Variants in ARHGEF6 observed in about 807,000 individuals in gnomAD.
ARHGEF6 encodes the protein Rac/Cdc42 guanine nucleotide exchange factor 6.
In ARHGEF6, 9 loss-of-function variants were observed where a neutral mutation model predicts 70.3. The ratio of observed to expected loss-of-function variants is 0.13; its 90% CI spans 0.08 to 0.22. The LOEUF is 0.22. Ranked by LOEUF, ARHGEF6 falls within the 10% of genes least tolerant of loss-of-function variation. The pLI is 1.00. For synonymous variants in ARHGEF6, 201 were observed against 207.8 expected, an observed-to-expected ratio of 0.97 and a Z score of 0.28; for missense variants, 470 against 563.0, an observed-to-expected ratio of 0.83 and a Z score of 1.67.
chrX:136,669,316 A>G (rs1289933381), intron 21 of ARHGEF6, among the ~76,000 whole-genome samples, 166 bp downstream of exon 21: 1 of 112,035 alleles, frequency 8.9e-6, no homozygotes, highest in Non-Finnish European at 1.9e-5. Flanking sequence ...ATTTAAATTC[A>G]AGGCTTACAT....
At chrX:136,668,533 C>CTTCTTCTTCTTA (rs61661248) in intron 21 of ARHGEF6, among the ~76,000 whole-genome samples, 19 of 98,459 alleles carry the variant, frequency 1.9e-4, no homozygotes, top group African/African-American at 6.4e-4. Flanking sequence ...TCTTCTTCTT[C>CTTCTTCTTCTTA]TTATTATTAT....
At position 136,667,929 on chromosome X, in the gene ARHGEF6, C is replaced by G. The variant is rs2148559387; in HGVS notation, c.*100G>C. ...GGAGAGAGAGAGAGAGACTCAAACA[C>G]AAAACAAAAGCCAAAGAAGTGAGCA... On this transcript the variant is annotated 3_prime_UTR_variant, in exon 22 of 22. Transcript: ENST00000250617. 1 of 1,087,441 alleles carries G rather than the reference C, an allele frequency of 9.2e-7. No individual in the cohort carries two copies. Among genetic ancestry groups the G allele is most frequent in the East Asian group, 3.0e-5 (1 of 33,079 alleles). The allele number at this position is 1,087,441 out of a possible 1,213,427, so 89.6% of individuals were successfully genotyped here. A position where few individuals can be genotyped will look rare whatever the true frequency, so the allele number is the denominator to read the frequency against.
Position 136,674,996 on chromosome X carries a change from G to A in ARHGEF6, c.2035+11C>T, listed in dbSNP as rs748410522. Reference sequence around the variant, plus strand: ...GTCACTCACTAGAGAAAGTAGTTTGGGGGAACCTACTTGAGCCATGGCCTT... The same window carrying A: ...GTCACTCACTAGAGAAAGTAGTTTGAGGGAACCTACTTGAGCCATGGCCTT... On this transcript the variant is annotated intron_variant, in intron 19 of 21. Transcript: ENST00000250617. 8.3e-7 allele frequency: 1 copy of A among 1,198,941 alleles called. No homozygotes were observed. The highest frequency in any genetic ancestry group is 1.7e-5 in the African/African-American group (1 of 57,507).
intron 6 of ARHGEF6, 95 bp from the exon 7 acceptor site, chrX:136,713,465 G>C (rs2076708037): frequency 3.1e-6 from 2 of 641,793 alleles, no homozygotes; most frequent in Non-Finnish European, 5.0e-6. Flanking sequence ...GAAGAAAAAA[G>C]GTCCTATTTA....
At chrX:136,731,601 G>T in intron 6 of ARHGEF6, among the ~76,000 whole-genome samples, 1 of 112,299 alleles carries the variant, frequency 8.9e-6, no homozygotes, top group Non-Finnish European at 1.9e-5. Context: ...CTGTGTTTAA[G>T]CCAGAGCCAT....
In ARHGEF6 at chrX:136,780,898, A is replaced by C. The variant is rs752750060; in HGVS notation, c.-16T>G. On this transcript the variant is annotated 5_prime_UTR_variant, in exon 1 of 22. Transcript: ENST00000250617. ...CTGGATTCATTACTGAGGACGGTAC[A>C]CTCCAAACAGCACTCTGGGGCAGCT... 1.3e-4 allele frequency: 162 copies of C among 1,209,090 alleles called. No homozygotes were observed. The South Asian group carries it at 2.8e-3, about 21-fold the overall frequency.
chrX:136,774,124 AT>A (rs1442554239), intron 2 of ARHGEF6: 2 of 111,871 alleles, frequency 1.8e-5, no homozygotes, highest in Non-Finnish European at 1.9e-5. Flanking sequence ...AATAAACATA[AT>A]TTTTTTAAAC....
At chrX:136,745,777 A>AT (rs2077089582) in intron 3 of ARHGEF6, among the ~76,000 whole-genome samples, 3 of 112,079 alleles carry the variant, frequency 2.7e-5, no homozygotes, top group Non-Finnish European at 5.6e-5. Context: ...CACACGTAAC[A>AT]ATATGTGTGG....
At position 136,665,854 on chromosome X, in the gene ARHGEF6, G is replaced by C. The variant is rs1042970482; in HGVS notation, c.*2175C>G. The C allele has an allele frequency of 8.9e-6, 1 of 112,121 alleles. No individual in the cohort carries two copies. Among genetic ancestry groups the C allele is most frequent in the African/African-American group, 3.3e-5 (1 of 30,711 alleles). 9.2% of individuals were successfully genotyped at this position (112,121 alleles called of 1,213,427 possible). On this transcript the variant is annotated 3_prime_UTR_variant, in exon 22 of 22. Coordinates refer to ENST00000250617, the MANE Select transcript of ARHGEF6 (RefSeq NM_004840.3). The stretch of plus-strand genomic sequence containing the variant: ...AAGCTTCGTTATCCAGAGTACCGAG[G>C]GCCCCTCATCAGAAGGGCCAAGTCC...
At chrX:136,694,272 G>A (rs2076488495) in intron 9 of ARHGEF6, among the ~76,000 whole-genome samples, 1 of 111,458 alleles carries the variant, frequency 9.0e-6, no homozygotes, top group Non-Finnish European at 1.9e-5. Context: ...AGGCTGGCCT[G>A]GAACTCCTGA....
intron 9 of ARHGEF6, among the ~76,000 whole-genome samples, chrX:136,696,749 C>A (rs186826612): frequency 9.0e-6 from 1 of 111,560 alleles, no homozygotes; most frequent in East Asian, 2.8e-4. Context: ...GGAGAACTTA[C>A]AGCATTTGAG....
chrX:136,680,706 T>C (rs762489115), intron 15 of ARHGEF6, 25 bp downstream of exon 15: 7 of 1,208,170 alleles, frequency 5.8e-6, no homozygotes, highest in Non-Finnish European at 7.8e-6. Context: ...CAATAATCTC[T>C]GGACAGAACA....
At chrX:136,749,809 C>T (rs2077132595) in intron 2 of ARHGEF6, among the ~76,000 whole-genome samples, 1 of 111,498 alleles carries the variant, frequency 9.0e-6, no homozygotes, top group African/African-American at 3.3e-5. Context: ...TTGGAAGAAG[C>T]CTCTGGGAAC....
intron 20 of ARHGEF6, 63 bp downstream of exon 20, chrX:136,671,957 T>A: frequency 1.1e-6 from 1 of 949,715 alleles, no homozygotes; most frequent in African/African-American, 1.9e-5. Context: ...GAGCTCCCCG[T>A]CCTACCAGAC....
chrX:136,705,905 A>G (rs2076622036), intron 9 of ARHGEF6, among the ~76,000 whole-genome samples: 1 of 112,533 alleles, frequency 8.9e-6, no homozygotes, highest in Non-Finnish European at 1.9e-5. Flanking sequence ...GCTCGTGTCA[A>G]CTAATGTTCT....
At chrX:136,762,435 A>G (rs2077272706) in intron 2 of ARHGEF6, among the ~76,000 whole-genome samples, 1 of 112,024 alleles carries the variant, frequency 8.9e-6, no homozygotes, top group Non-Finnish European at 1.9e-5. Context: ...ACTCAGTGCC[A>G]AGGACGGTGC....
At chrX:136,742,497 T>C (rs1490011368) in intron 5 of ARHGEF6, among the ~76,000 whole-genome samples, 1 of 111,906 alleles carries the variant, frequency 8.9e-6, no homozygotes, top group African/African-American at 3.2e-5. Flanking sequence ...AAAAGAGCCC[T>C]TGTGTAAATA....
chrX:136,686,949 A>G (rs1041491520), intron 11 of ARHGEF6, among the ~76,000 whole-genome samples: 1 of 108,712 alleles, frequency 9.2e-6, no homozygotes, highest in Admixed American at 1.0e-4. Context: ...ACATATTTTA[A>G]GAGCACCTAT....
Position 136,745,223 on chromosome X carries a change from C to T in ARHGEF6, c.459G>A (p.Val153=). The change falls in exon 4 of 22, where the codon GTG becomes GTA. Residue 153 remains valine, a splice_region_variant and synonymous_variant. Transcript: ENST00000250617. ...ACGGAGAATTGGGGACTATACTTAC[C>T]ACTGTCTTTGACTGCCTTTGCAGCC... ...VSGLQRQSKT[V]EMTENGSHQL... is the part of the protein sequence containing the mutation. The T allele has an allele frequency of 8.3e-7, 1 of 1,211,671 alleles. No homozygotes were observed. Among genetic ancestry groups the T allele is most frequent in the Non-Finnish European group, 1.1e-6 (1 of 895,359 alleles).
Sources: gnomAD v4.1 joint callset for allele counts (sites outside exome capture counted in the v4.1 genomes callset) on GRCh38, gnomAD v4.1.1 for gene constraint, MANE v1.5 for transcripts, NCBI Gene and HGNC (gene_info 2026-07-23, HGNC 2026-07-21) for gene names.